The following DEPDC4 variants were observed in gnomAD, a reference collection of about 807,000 sequenced individuals.
DEPDC4 encodes the protein DEP domain containing 4.
A neutral mutation model predicts 52.0 loss-of-function variants in DEPDC4; 52 were observed. The ratio of observed to expected loss-of-function variants is 1.00; its 90% CI spans 0.80 to 1.26. The LOEUF (loss-of-function observed/expected upper bound fraction) is 1.26. Among genes scored for constraint, DEPDC4 ranks in the 50% most tolerant of loss-of-function variants. The pLI, the probability that DEPDC4 is intolerant of heterozygous loss-of-function variation, is 0.00. For missense variants in DEPDC4, 530 were observed against 546.9 expected (o/e 0.97, Z 0.31); for synonymous variants, 201 against 196.8 (o/e 1.02, Z -0.18).
At chr12:100,253,116 C>T (rs1007152802) in intron 5 of DEPDC4, among the ~76,000 whole-genome samples, 3 of 152,178 alleles carry the variant, frequency 2.0e-5, no homozygotes, top group Admixed American at 1.3e-4. Context: ...CAGGGTTTCA[C>T]CATGTTGGCC....
chr12:100,252,217 G>C lies in DEPDC4; in HGVS notation c.1333C>G (p.Leu445Val). 7 of 1,300,950 alleles carry C rather than the reference G, an allele frequency of 5.4e-6. No individual in the cohort carries two copies. The highest frequency in any genetic ancestry group is 6.9e-6 in the Non-Finnish European group (7 of 1,016,426). The allele number at this position is 1,300,950 out of a possible 1,614,324, so 80.6% of individuals were successfully genotyped here. Reference protein sequence around the residue: ...KSLLKVRAEQLVWFPLEYHSE... With the variant: ...KSLLKVRAEQVVWFPLEYHSE... ...TGGTACTCCAGTGGAAACCAGACCA[G>C]TTGTTCTGCCCGCACTTTTAATAAT... Residue 445 changes from leucine (L) to valine (V), a missense_variant, in exon 7 of 10, where the codon CTG becomes GTG. Transcript: ENST00000550587.
At chr12:100,280,885 T>C in the DEPDC4 span, among the ~76,000 whole-genome samples, 1 of 152,148 alleles carries the variant, frequency 6.6e-6, no homozygotes, top group Non-Finnish European at 1.5e-5. Context: ...ATCATTATGC[T>C]TATTAAAAAT....
intron 1 of DEPDC4, 127 bp downstream of exon 1, chr12:100,266,793 A>C: frequency 7.8e-7 from 1 of 1,284,580 alleles, no homozygotes; most frequent in East Asian, 2.4e-5. Flanking sequence ...CTGGTAGGGC[A>C]GGAAGGGGGC....
chr12:100,238,176 G>A (rs546773039), downstream of DEPDC4: 1 of 488,268 alleles, frequency 2.0e-6, no homozygotes, highest in East Asian at 1.5e-4. Context: ...CATATAATTG[G>A]GTTGCTTTTT....
At chr12:100,251,530 C>T (rs867409415) in intron 7 of DEPDC4, among the ~76,000 whole-genome samples, 12 of 151,948 alleles carry the variant, frequency 7.9e-5, no homozygotes, top group South Asian at 4.1e-4. Context: ...ACCTCAGCCT[C>T]CCCAGTAGCT....
At position 100,241,956 on chromosome 12, in the gene DEPDC4, T is replaced by C. The variant is rs78384996; in HGVS notation, c.*47-111A>G. 5.5e-3 allele frequency: 3,088 copies of C among 566,112 alleles called. 89 individuals are homozygous for C. The African/African-American group carries it at 0.059, about 11-fold the overall frequency. 35.1% of individuals were successfully genotyped at this position (566,112 alleles called of 1,614,324 possible). On this transcript the variant is annotated intron_variant, in intron 9 of 9. Transcript: ENST00000550587. Reference sequence around the variant, plus strand: ...AACTGGTCTTACGGTATGTTACCTATGCCTAGGCTTTCTTTGTTCCACAGT... The same window carrying C: ...AACTGGTCTTACGGTATGTTACCTACGCCTAGGCTTTCTTTGTTCCACAGT...
At chr12:100,274,488 G>C in the DEPDC4 span, among the ~76,000 whole-genome samples, 1 of 152,162 alleles carries the variant, frequency 6.6e-6, no homozygotes, top group African/African-American at 2.4e-5. Flanking sequence ...TAAGGCGTGG[G>C]TTCTTGTTGT....
chr12:100,274,604 A>G, the DEPDC4 span, among the ~76,000 whole-genome samples: 22 of 152,190 alleles, frequency 1.4e-4, no homozygotes, highest in Admixed American at 1.4e-3. Flanking sequence ...AATTAAATCT[A>G]CAGATTGCAT....
intron 7 of DEPDC4, among the ~76,000 whole-genome samples, chr12:100,251,503 G>C (rs558443213): frequency 6.6e-6 from 1 of 151,920 alleles, no homozygotes; most frequent in Admixed American, 6.6e-5. Flanking sequence ...AATCTCATGG[G>C]CTCAACTGAC....
intron 3 of DEPDC4, 51 bp from the exon 4 acceptor site, chr12:100,256,277 C>A: frequency 7.6e-7 from 1 of 1,319,642 alleles, no homozygotes. Flanking sequence ...AAAACATACA[C>A]ATTCAACCAA....
Position 100,241,848 on chromosome 12 carries a change from G to GT in DEPDC4, c.*47-4_*47-3insA. On this transcript the variant is annotated splice_polypyrimidine_tract_variant and splice_region_variant and intron_variant, in intron 9 of 9. Transcript: ENST00000550587. ...CAAGGGTTGGCAAAACGTAAAGCCTGGAAAAAAAAAAAAAAAACAAAAGAA... is the reference window on the plus strand; with the variant it reads ...CAAGGGTTGGCAAAACGTAAAGCCTGTGAAAAAAAAAAAAAAAACAAAAGAA... The GT allele has an allele frequency of 1.9e-5, 19 of 1,012,808 alleles. No individual in the cohort carries two copies. The highest frequency in any genetic ancestry group is 2.3e-5 in the South Asian group (1 of 44,280). The allele number at this position is 1,012,808 out of a possible 1,614,324, so 62.7% of individuals were successfully genotyped here. A position where few individuals can be genotyped will look rare whatever the true frequency, so the allele number is the denominator to read the frequency against.
the DEPDC4 span, among the ~76,000 whole-genome samples, chr12:100,278,517 A>G: frequency 6.6e-6 from 1 of 152,000 alleles, no homozygotes; most frequent in African/African-American, 2.4e-5. Flanking sequence ...TTGAGTTTTG[A>G]AAGTTTTTTC....
chr12:100,241,482 GA>G lies in DEPDC4; in HGVS notation c.*409del, dbSNP rs2096158388. ...AGAGGCCAAGGCAGGAGGATGACTTGAGGCCAGGAGTTCGAGACCAGCCTGG... is the reference window on the plus strand; with the variant it reads ...AGAGGCCAAGGCAGGAGGATGACTTGGGCCAGGAGTTCGAGACCAGCCTGG... On this transcript the variant is annotated 3_prime_UTR_variant, in exon 10 of 10. Coordinates refer to ENST00000550587, the MANE Select transcript of DEPDC4 (RefSeq NM_001364818.2). Among the ~76,000 whole-genome samples, 3 of 152,246 alleles carry G rather than the reference GA, an allele frequency of 2.0e-5. No individual in the cohort carries two copies. The highest frequency in any genetic ancestry group is 2.0e-4 in the Admixed American group (3 of 15,280).
the DEPDC4 span, among the ~76,000 whole-genome samples, chr12:100,272,787 C>A: frequency 1.5e-4 from 23 of 152,220 alleles, no homozygotes; most frequent in Non-Finnish European, 2.1e-4. Flanking sequence ...CTTCTCCTTT[C>A]TCACTGCTAT....
intron 1 of DEPDC4, 111 bp from the exon 2 acceptor site, chr12:100,264,004 CCTT>C: frequency 3.2e-6 from 3 of 925,168 alleles, no homozygotes; most frequent in Non-Finnish European, 4.8e-6. Flanking sequence ...CTGGTAATGT[CCTT>C]CTTACGTGTC....
chr12:100,249,082 G>T (rs2096197393), intron 7 of DEPDC4, 104 bp from the exon 8 acceptor site: 1 of 318,298 alleles, frequency 3.1e-6, no homozygotes, highest in Non-Finnish European at 4.5e-6. Context: ...AATGAGTAGA[G>T]GGAGAGGATT....
chr12:100,249,552 G>A (rs2096199558), intron 7 of DEPDC4, among the ~76,000 whole-genome samples: 1 of 152,152 alleles, frequency 6.6e-6, no homozygotes, highest in African/African-American at 2.4e-5. Flanking sequence ...TATACCAAAG[G>A]TAATCCCAGA....
Position 100,266,961 on chromosome 12 carries a change from G to A in DEPDC4, c.116C>T (p.Ser39Phe), listed in dbSNP as rs754810754. Residue 39 changes from serine to phenylalanine, a missense_variant, in exon 1 of 10, where the codon TCC becomes TTC. Transcript: ENST00000550587. ...LPGPGLNGPS[S>F]RNRRDGFCRK... ...GCAGAAGCCATCTCTACGGTTCCTG[G>A]AACTTGGCCCGTTCAGCCCTGGGCC... 1 of 1,613,934 alleles carries A rather than the reference G, an allele frequency of 6.2e-7. No individual in the cohort carries two copies.
At chr12:100,261,493 CAGG>C (rs2096253514) in intron 3 of DEPDC4, among the ~76,000 whole-genome samples, 1 of 152,094 alleles carries the variant, frequency 6.6e-6, no homozygotes, top group South Asian at 2.1e-4. Flanking sequence ...AGTGGTGCAA[CAGG>C]TAGTTTAGCT....
Sources: gnomAD v4.1 joint callset for allele counts (sites outside exome capture counted in the v4.1 genomes callset) on GRCh38, gnomAD v4.1.1 for gene constraint, MANE v1.5 for transcripts, NCBI Gene and HGNC (gene_info 2026-07-23, HGNC 2026-07-21) for gene names.